Variants in DOCK4 observed in about 807,000 individuals in gnomAD.
DOCK4 encodes the protein dedicator of cytokinesis 4.
In DOCK4, 97 loss-of-function variants were observed where a neutral mutation model predicts 268.1. The ratio of observed to expected loss-of-function variants is 0.36; its 90% CI spans 0.31 to 0.43. The LOEUF (loss-of-function observed/expected upper bound fraction) is 0.43. DOCK4 is among the 20% of genes least tolerant of loss of function. The probability of loss-of-function intolerance (pLI) is 1.00; values close to 1 mark genes in which losing one functional copy is unlikely to be tolerated. For missense variants in DOCK4, 2,145 were observed against 2,455.7 expected, an observed-to-expected ratio of 0.87 and a Z score of 2.67; for synonymous variants, 954 against 887.2, an observed-to-expected ratio of 1.08 and a Z score of -1.34.
chr7:112,067,280 T>G (rs1586754578), intron 1 of DOCK4, among the ~76,000 whole-genome samples: 2 of 150,596 alleles, frequency 1.3e-5, no homozygotes, highest in East Asian at 1.9e-4. Context: ...CTCCTAGATT[T>G]GAACTGGCTA....
intron 13 of DOCK4, among the ~76,000 whole-genome samples, chr7:111,914,698 C>T (rs1013938074): frequency 3.1e-4 from 47 of 152,184 alleles, no homozygotes; most frequent in Admixed American, 2.9e-3. Flanking sequence ...TCCATCTCTC[C>T]ACCCACTACC....
chr7:112,004,041 T>C lies in DOCK4; in HGVS notation c.121+7A>G. The C allele has an allele frequency of 1.3e-5, 20 of 1,594,630 alleles. No homozygotes were observed. The highest frequency in any genetic ancestry group is 1.7e-5 in the Non-Finnish European group (20 of 1,169,222). On this transcript the variant is annotated splice_region_variant and intron_variant, in intron 2 of 52. Coordinates refer to ENST00000428084, the MANE Select transcript of DOCK4 (RefSeq NM_001363540.2). Reference sequence around the variant, plus strand: ...ATGTTGAGGAGGTTGTTCATAAGGCTACTCACCATCACACTTCTCCAGGAT... The same window carrying C: ...ATGTTGAGGAGGTTGTTCATAAGGCCACTCACCATCACACTTCTCCAGGAT...
At chr7:111,790,807 C>T (rs1163454995) in intron 30 of DOCK4, among the ~76,000 whole-genome samples, 1 of 151,822 alleles carries the variant, frequency 6.6e-6, no homozygotes, top group East Asian at 1.9e-4. Flanking sequence ...CGCCTGTAAT[C>T]CCAGCACTTT....
At chr7:112,178,168 C>T (rs1259396500) in intron 1 of DOCK4, among the ~76,000 whole-genome samples, 1 of 152,232 alleles carries the variant, frequency 6.6e-6, no homozygotes, top group African/African-American at 2.4e-5. Flanking sequence ...AGGTGAAATG[C>T]AATGTCCTGT....
chr7:112,167,431 CA>C (rs113588072), intron 1 of DOCK4, among the ~76,000 whole-genome samples: 292 of 128,350 alleles, frequency 2.3e-3, no homozygotes, highest in African/African-American at 5.6e-3. Flanking sequence ...CCCACCTTTA[CA>C]AAAAAAAAAA....
chr7:111,773,400 T>C (rs1798244825), intron 36 of DOCK4, among the ~76,000 whole-genome samples: 1 of 152,104 alleles, frequency 6.6e-6, no homozygotes, highest in African/African-American at 2.4e-5. Flanking sequence ...GTAAACAAAT[T>C]AAAGAAAAAA....
At chr7:112,057,559 A>G (rs935789177) in intron 1 of DOCK4, among the ~76,000 whole-genome samples, 2 of 131,922 alleles carry the variant, frequency 1.5e-5, no homozygotes, top group Non-Finnish European at 3.0e-5. Context: ...CCAAAAAATA[A>G]AAAAAAAAAA....
Position 111,741,229 on chromosome 7 carries a change from A to T in DOCK4, c.4920-15T>A. The T allele has an allele frequency of 3.1e-6, 5 of 1,612,590 alleles. No homozygotes were observed. The highest frequency in any genetic ancestry group is 4.2e-6 in the Non-Finnish European group (5 of 1,179,578). On this transcript the variant is annotated splice_polypyrimidine_tract_variant and intron_variant, in intron 46 of 52. Transcript: ENST00000428084. ...AACTTAACGGGCTGTTTCAGGGGGA[A>T]AAAAAAGGTCATTAACTCAGTCTCC...
intron 52 of DOCK4, among the ~76,000 whole-genome samples, chr7:111,730,738 T>C (rs1244400115): frequency 6.6e-6 from 1 of 151,988 alleles, no homozygotes; most frequent in African/African-American, 2.4e-5. Context: ...ACCCAGGAGG[T>C]ATAACACAAA....
chr7:112,012,912 C>T (rs1801472300), intron 1 of DOCK4, among the ~76,000 whole-genome samples: 1 of 151,800 alleles, frequency 6.6e-6, no homozygotes, highest in South Asian at 2.1e-4. Flanking sequence ...TGAAGTGGGA[C>T]ATGCAAATAT....
intron 23 of DOCK4, among the ~76,000 whole-genome samples, chr7:111,852,688 A>T (rs762963781): frequency 1.5e-4 from 23 of 152,236 alleles, no homozygotes; most frequent in Non-Finnish European, 3.1e-4. Context: ...TAAGGTGGAC[A>T]AATAATTTGT....
intron 1 of DOCK4, among the ~76,000 whole-genome samples, chr7:112,071,993 T>C (rs776250221): frequency 6.6e-6 from 1 of 152,222 alleles, no homozygotes; most frequent in Admixed American, 6.5e-5. Context: ...AGAATATCCC[T>C]CACCTTGCTG....
chr7:112,204,509 TA>T (rs1821208427), intron 1 of DOCK4, among the ~76,000 whole-genome samples: 1 of 152,032 alleles, frequency 6.6e-6, no homozygotes, highest in African/African-American at 2.4e-5. Flanking sequence ...AGAACGAAAA[TA>T]ACAACTACTA....
chr7:111,730,110 G>C lies in DOCK4; in HGVS notation c.5482-1390C>G, dbSNP rs149216164. ...GGACTACACCCGGCCTCCTTCATTT[G>C]TGTCAGCTGTCTGGCCCCATTTGGC... On this transcript the variant is annotated intron_variant, in intron 52 of 52. Transcript: ENST00000428084. Among the ~76,000 whole-genome samples, 59 of 152,218 alleles carry C rather than the reference G, an allele frequency of 3.9e-4. No homozygotes were observed. In the East Asian group the frequency reaches 8.7e-3, roughly 22 times the overall value.
intron 12 of DOCK4, among the ~76,000 whole-genome samples, chr7:111,929,701 T>C (rs1221679608): frequency 1.3e-5 from 2 of 149,754 alleles, no homozygotes; most frequent in South Asian, 2.1e-4. Context: ...GTTAAACTGC[T>C]CTCGCTATAT....
At chr7:112,064,544 A>C (rs1806746559) in intron 1 of DOCK4, among the ~76,000 whole-genome samples, 1 of 152,220 alleles carries the variant, frequency 6.6e-6, no homozygotes. Context: ...ATTTCAATCC[A>C]AGAAAGTAAT....
intron 23 of DOCK4, among the ~76,000 whole-genome samples, chr7:111,860,693 C>T (rs1197005763): frequency 1.3e-5 from 2 of 152,188 alleles, no homozygotes; most frequent in Non-Finnish European, 2.9e-5. Flanking sequence ...ACAGACCCTG[C>T]AGGGTCAACA....
chr7:112,053,717 C>A (rs1162253183), intron 1 of DOCK4, among the ~76,000 whole-genome samples: 2 of 151,928 alleles, frequency 1.3e-5, no homozygotes, highest in African/African-American at 4.9e-5. Context: ...CTTTCAAAAC[C>A]AGCTATGTCT....
intron 8 of DOCK4, among the ~76,000 whole-genome samples, chr7:111,961,437 G>A (rs1478073223): frequency 6.6e-6 from 1 of 152,164 alleles, no homozygotes; most frequent in African/African-American, 2.4e-5. Context: ...TTCATAGTGA[G>A]TGAATGAACT....
Sources: gnomAD v4.1 joint callset for allele counts (sites outside exome capture counted in the v4.1 genomes callset) on GRCh38, gnomAD v4.1.1 for gene constraint, MANE v1.5 for transcripts, NCBI Gene and HGNC (gene_info 2026-07-23, HGNC 2026-07-21) for gene names.